The following TLN2 variants were observed in gnomAD, a reference collection of about 807,000 sequenced individuals.
The protein encoded by TLN2 is talin 2.
A neutral mutation model predicts 294.7 loss-of-function variants in TLN2; 118 were observed. That is an observed-to-expected ratio of 0.40 (90% CI 0.34 to 0.47). The LOEUF is 0.47. TLN2 is among the 20% of genes least tolerant of loss of function. The pLI is 0.84. For missense variants in TLN2, 3,083 were observed against 3,282.2 expected (o/e 0.94, Z 1.48); for synonymous variants, 1,431 against 1,304.5 (o/e 1.10, Z -2.09).
At chr15:62,782,210 A>G (rs2064235789) in intron 44 of TLN2, among the ~76,000 whole-genome samples, 2 of 152,210 alleles carry the variant, frequency 1.3e-5, no homozygotes, top group Admixed American at 6.5e-5. Context: ...CTTGGACCAC[A>G]AAGTCATCCC....
In TLN2 at chr15:62,708,592, C is replaced by T. The variant is rs148053073; in HGVS notation, c.2263C>T (p.Arg755Cys). The T allele has an allele frequency of 2.0e-5, 32 of 1,614,026 alleles. No homozygotes were observed. Among genetic ancestry groups the T allele is most frequent in the East Asian group, 4.5e-5 (2 of 44,892 alleles). The change falls in exon 21 of 59, where the codon CGT (arginine) becomes TGT (cysteine). Residue 755 changes from arginine (R) to cysteine (C), a missense_variant. Coordinates refer to ENST00000636159, the MANE Select transcript of TLN2 (RefSeq NM_015059.3). ...GGACCGCTCGGTGGAGAACTGTGTC[C>T]GTGCCTGCCAGGCGGCCACTACCGA... is the stretch of plus-strand genomic sequence containing the variant. Reference protein sequence around the residue: ...LVDRSVENCVRACQAATTDSE... With the variant: ...LVDRSVENCVCACQAATTDSE...
chr15:62,503,297 C>A (rs2039410020), intron 1 of TLN2, among the ~76,000 whole-genome samples: 1 of 152,220 alleles, frequency 6.6e-6, no homozygotes, highest in African/African-American at 2.4e-5. Context: ...AGTCCTGTGT[C>A]ACCAGCACTA....
intron 1 of TLN2, among the ~76,000 whole-genome samples, chr15:62,527,361 C>G (rs545342619): frequency 1.3e-5 from 2 of 152,104 alleles, no homozygotes; most frequent in African/African-American, 4.8e-5. Context: ...GATAAAATTC[C>G]CAGTGCCTCT....
At chr15:62,574,910 A>G (rs1241443477) in intron 1 of TLN2, among the ~76,000 whole-genome samples, 1 of 152,166 alleles carries the variant, frequency 6.6e-6, no homozygotes, top group Non-Finnish European at 1.5e-5. Context: ...TTCTCTGTTT[A>G]TCTTGCCACT....
intron 3 of TLN2, among the ~76,000 whole-genome samples, chr15:62,621,064 C>T (rs1165238280): frequency 1.3e-5 from 2 of 151,886 alleles, no homozygotes; most frequent in Non-Finnish European, 2.9e-5. Flanking sequence ...TGGTCTCGAT[C>T]TCCTGACCTT....
At chr15:62,604,710 TAA>T (rs1567178190) in intron 2 of TLN2, among the ~76,000 whole-genome samples, 3 of 148,136 alleles carry the variant, frequency 2.0e-5, no homozygotes, top group Non-Finnish European at 3.0e-5. Flanking sequence ...TTTTTTTTTT[TAA>T]TTATTTGAGA....
At chr15:62,774,513 G>T (rs2063564647) in intron 42 of TLN2, among the ~76,000 whole-genome samples, 1 of 152,178 alleles carries the variant, frequency 6.6e-6, no homozygotes, top group African/African-American at 2.4e-5. Flanking sequence ...TTGAGATTAG[G>T]CTGTCTGATA....
chr15:62,436,855 T>C (rs1284587055), intron 1 of TLN2, among the ~76,000 whole-genome samples: 1 of 152,210 alleles, frequency 6.6e-6, no homozygotes, highest in Non-Finnish European at 1.5e-5. Context: ...TCTGAGTAGC[T>C]GGGACTACAA....
Position 62,755,634 on chromosome 15 carries a change from T to C in TLN2, c.4579T>C (p.Phe1527Leu). The C allele has an allele frequency of 1.2e-6, 2 of 1,614,222 alleles. No individual in the cohort carries two copies. Among genetic ancestry groups the C allele is most frequent in the African/African-American group, 2.7e-5 (2 of 75,058 alleles). ...KTANPVAKRH[F>L]VQSAKEVANS... ...GGCCAACCCAGTAGCCAAGAGGCAC[T>C]TCGTCCAGTCAGCCAAGGAAGTCGC... Residue 1527 changes from phenylalanine to leucine, a missense_variant, in exon 37 of 59, where the codon TTC becomes CTC. Phe to Leu is a conservative substitution (Grantham distance 22). Transcript: ENST00000636159.
At chr15:62,456,877 C>T (rs13379575) in intron 1 of TLN2, among the ~76,000 whole-genome samples, 1,564 of 152,090 alleles carry the variant, frequency 0.01, 7 homozygotes, top group Middle Eastern at 0.038. Context: ...AAAAGGGGGG[C>T]GGTTCAGGGC....
intron 28 of TLN2, among the ~76,000 whole-genome samples, chr15:62,736,495 T>C (rs2061021450): frequency 6.6e-6 from 1 of 152,160 alleles, no homozygotes; most frequent in African/African-American, 2.4e-5. Flanking sequence ...CTGTAAGTTA[T>C]GCCCCAGAAA....
At chr15:62,493,376 C>G (rs2038849537) in intron 1 of TLN2, among the ~76,000 whole-genome samples, 2 of 152,092 alleles carry the variant, frequency 1.3e-5, no homozygotes, top group Admixed American at 6.5e-5. Context: ...CATACCCACC[C>G]CTGTAGGTTT....
intron 16 of TLN2, 30 bp from the exon 17 acceptor site, chr15:62,701,076 A>C (rs1295258537): frequency 6.3e-7 from 1 of 1,590,544 alleles, no homozygotes; most frequent in Non-Finnish European, 8.6e-7. Flanking sequence ...CTGTGCTGTG[A>C]TTGTGTTGTG....
chr15:62,451,269 T>G (rs1407226848), intron 1 of TLN2, among the ~76,000 whole-genome samples: 1 of 152,258 alleles, frequency 6.6e-6, no homozygotes, highest in East Asian at 1.9e-4. Context: ...CCCATGTGTC[T>G]AGGGCGTGGT....
intron 52 of TLN2, among the ~76,000 whole-genome samples, chr15:62,815,195 A>T (rs989506965): frequency 4.7e-4 from 70 of 148,524 alleles, no homozygotes; most frequent in South Asian, 1.5e-3. Context: ...ACACACACAC[A>T]CACACACACA....
chr15:62,838,851 T>C lies in TLN2; in HGVS notation c.7375-5T>C, dbSNP rs776911140. On this transcript the variant is annotated splice_region_variant and splice_polypyrimidine_tract_variant and intron_variant, in intron 57 of 58. Coordinates refer to ENST00000636159, the MANE Select transcript of TLN2 (RefSeq NM_015059.3). ...GATATAATGTATGTTTTGTTCACTC[T>C]CCAGGCGGCAGGAAATGCTGTGAAA... The C allele has an allele frequency of 1.9e-6, 3 of 1,608,926 alleles. No homozygotes were observed. Among genetic ancestry groups the C allele is most frequent in the African/African-American group, 2.8e-5 (2 of 70,594 alleles).
chr15:62,772,346 G>A (rs976088475), intron 42 of TLN2, among the ~76,000 whole-genome samples: 36 of 152,274 alleles, frequency 2.4e-4, no homozygotes, highest in African/African-American at 7.7e-4. Context: ...AATATTAAGC[G>A]CCAGCCACTG....
At chr15:62,783,598 A>G (rs1466529915) in intron 44 of TLN2, among the ~76,000 whole-genome samples, 173 bp from the exon 45 acceptor site, 3 of 152,204 alleles carry the variant, frequency 2.0e-5, no homozygotes, top group South Asian at 2.1e-4. Context: ...CTTGGCTTGA[A>G]TTGCCCTCTC....
chr15:62,441,833 A>T (rs367661512), intron 1 of TLN2, among the ~76,000 whole-genome samples: 43 of 152,332 alleles, frequency 2.8e-4, no homozygotes, highest in African/African-American at 1.0e-3. Flanking sequence ...GACTGGGTTC[A>T]GACAAGCTTC....
Sources: gnomAD v4.1 joint callset for allele counts (sites outside exome capture counted in the v4.1 genomes callset) on GRCh38, gnomAD v4.1.1 for gene constraint, MANE v1.5 for transcripts, NCBI Gene and HGNC (gene_info 2026-07-23, HGNC 2026-07-21) for gene names.